The following SLF2 variants were observed in gnomAD, a reference collection of about 807,000 sequenced individuals.
SLF2 encodes SMC5/6 complex localization factor 2.
Under a neutral mutation model 124.3 loss-of-function variants are expected in SLF2, and 68 were observed. That is an observed-to-expected ratio of 0.55 (90% CI 0.45 to 0.67). SLF2 has a LOEUF of 0.67. Ranked by LOEUF, SLF2 falls within the 30% of genes least tolerant of loss-of-function variation. The probability of loss-of-function intolerance (pLI) is 0.00; values close to 1 mark genes in which losing one functional copy is unlikely to be tolerated. For missense variants in SLF2, 1,246 were observed against 1,373.7 expected, an observed-to-expected ratio of 0.91 and a Z score of 1.47; for synonymous variants, 480 against 478.8, an observed-to-expected ratio of 1.00 and a Z score of -0.03.
rs1285628171 is a variant in SLF2 at position 100,956,338 on chromosome 10, T to C, written c.3331-113T>C. On this transcript the variant is annotated intron_variant, in intron 17 of 19. Coordinates refer to ENST00000238961, the MANE Select transcript of SLF2 (RefSeq NM_018121.4). The stretch of plus-strand genomic sequence containing the variant: ...ACGTTGAATAGTTAATATCAGTCAT[T>C]GCTAACAGGAATAATAGATTTTTAA... The C allele has an allele frequency of 2.3e-5, 17 of 745,774 alleles. No individual in the cohort carries two copies. In the East Asian group the frequency reaches 4.3e-4, roughly 19 times the overall value. 46.2% of individuals were successfully genotyped at this position (745,774 alleles called of 1,614,324 possible). A position where few individuals can be genotyped will look rare whatever the true frequency, so the allele number is the denominator to read the frequency against.
chr10:100,946,099 T>C (rs980361708), intron 13 of SLF2, among the ~76,000 whole-genome samples: 1 of 152,208 alleles, frequency 6.6e-6, no homozygotes, highest in African/African-American at 2.4e-5. Flanking sequence ...TTAAAAATTA[T>C]ATTTTTCAGT....
Position 100,931,018 on chromosome 10 carries a change from C to G in SLF2, c.2376C>G (p.Phe792Leu). Reference protein sequence around the residue: ...TDQIFLTTQGFLTSAYHYVQC... With the variant: ...TDQIFLTTQGLLTSAYHYVQC... ...AGATTTTTTTGACAACACAAGGTTTCCTTACGTCTGCTTATCACTATGTCC... is the reference window on the plus strand; with the variant it reads ...AGATTTTTTTGACAACACAAGGTTTGCTTACGTCTGCTTATCACTATGTCC... The change falls in exon 9 of 20, where the codon TTC (phenylalanine) becomes TTG (leucine). Residue 792 changes from phenylalanine (F) to leucine (L), a missense_variant. Coordinates refer to ENST00000238961, the MANE Select transcript of SLF2 (RefSeq NM_018121.4). 6.2e-7 allele frequency: 1 copy of G among 1,614,040 alleles called. No homozygotes were observed. The highest frequency in any genetic ancestry group is 8.5e-7 in the Non-Finnish European group (1 of 1,179,992).
At chr10:100,960,648 CTT>C (rs1459022021) in intron 19 of SLF2, among the ~76,000 whole-genome samples, 1 of 151,846 alleles carries the variant, frequency 6.6e-6, no homozygotes, top group Non-Finnish European at 1.5e-5. Context: ...AGTTATTTGT[CTT>C]TTTATTATTG....
intron 12 of SLF2, 34 bp from the exon 13 acceptor site, chr10:100,945,296 A>G (rs1465849430): frequency 2.7e-6 from 4 of 1,492,050 alleles, no homozygotes; most frequent in South Asian, 1.4e-5. Context: ...TATACCTCCT[A>G]AAATATTTTT....
At chr10:100,944,519 C>G (rs1002141055) in intron 12 of SLF2, among the ~76,000 whole-genome samples, 1 of 146,200 alleles carries the variant, frequency 6.8e-6, no homozygotes, top group Non-Finnish European at 1.5e-5. Context: ...AAAAAACTCT[C>G]TAGTTTCTTA....
At chr10:100,926,173 G>T (rs752246118) in intron 6 of SLF2, 154 bp downstream of exon 6, 34 of 1,552,614 alleles carry the variant, frequency 2.2e-5, no homozygotes, top group Non-Finnish European at 3.0e-5. Context: ...TTGGCCGGAC[G>T]CAGTGGCTCA....
chr10:100,948,976 A>G (rs1850160172), intron 15 of SLF2, among the ~76,000 whole-genome samples: 1 of 152,256 alleles, frequency 6.6e-6, no homozygotes. Flanking sequence ...GATCCTAGGA[A>G]TTAAAACAAA....
chr10:100,925,646 C>T (rs1564772962), intron 5 of SLF2, among the ~76,000 whole-genome samples: 1 of 152,118 alleles, frequency 6.6e-6, no homozygotes, highest in Non-Finnish European at 1.5e-5. Context: ...TTTGATTCTA[C>T]TAAAATAGAA....
chr10:100,937,913 A>G (rs1015487463), intron 10 of SLF2, among the ~76,000 whole-genome samples: 7 of 152,164 alleles, frequency 4.6e-5, no homozygotes, highest in African/African-American at 1.7e-4. Flanking sequence ...CCCGACCTCA[A>G]AAGTCTTTAA....
rs1849352097 is a variant in SLF2 at position 100,913,232 on chromosome 10, C to G, written c.122C>G (p.Thr41Arg). The G allele has an allele frequency of 1.2e-6, 2 of 1,609,450 alleles. No homozygotes were observed. The highest frequency in any genetic ancestry group is 1.3e-5 in the African/African-American group (1 of 74,778). Residue 41 changes from threonine to arginine, a missense_variant, in exon 1 of 20, where the codon ACA becomes AGA. Transcript: ENST00000238961. The stretch of plus-strand genomic sequence containing the variant: ...GCCCATGCTGCAGCGGGAAAGAGAA[C>G]AGAGAGTCCTGGGGACAGGTACCGT... ...STAHAAAGKR[T>R]ESPGDRKQSI...
intron 12 of SLF2, among the ~76,000 whole-genome samples, chr10:100,944,332 A>G (rs1231652099): frequency 6.6e-6 from 1 of 151,670 alleles, no homozygotes; most frequent in Non-Finnish European, 1.5e-5. Flanking sequence ...CGTCTCTACT[A>G]AAAATACAAA....
intron 9 of SLF2, among the ~76,000 whole-genome samples, chr10:100,935,481 A>G (rs924993830): frequency 6.6e-6 from 1 of 152,004 alleles, no homozygotes; most frequent in South Asian, 2.1e-4. Context: ...TGGGTGGATC[A>G]CTTCAGGCCA....
chr10:100,950,338 C>A, intron 16 of SLF2, 131 bp downstream of exon 16: 2 of 1,042,340 alleles, frequency 1.9e-6, no homozygotes, highest in Non-Finnish European at 2.7e-6. Flanking sequence ...AATTTTAAAG[C>A]GAATAATATT....
intron 3 of SLF2, among the ~76,000 whole-genome samples, chr10:100,917,793 C>T (rs1849446401): frequency 6.6e-6 from 1 of 151,996 alleles, no homozygotes; most frequent in African/African-American, 2.4e-5. Context: ...CCCAGGCTGG[C>T]CTTGAACCCC....
In SLF2 at chr10:100,929,937, C is replaced by T. The variant is rs545043713; in HGVS notation, c.2273C>T (p.Thr758Ile). 2 of 1,584,468 alleles carry T rather than the reference C, an allele frequency of 1.3e-6. No homozygotes were observed. The highest frequency in any genetic ancestry group is 2.3e-5 in the East Asian group (1 of 44,058). Residue 758 changes from threonine (T) to isoleucine (I), a missense_variant, in exon 8 of 20, where the codon ACC (threonine) becomes ATC (isoleucine). Thr to Ile is a moderately conservative substitution (Grantham distance 89, BLOSUM62 -1). This residue lies in a region of SLF2 where 535 missense variants were observed against 632.8 expected (regional missense o/e 0.85). Coordinates refer to ENST00000238961, the MANE Select transcript of SLF2 (RefSeq NM_018121.4). The stretch of plus-strand genomic sequence containing the variant: ...TCTGGAAAAATTTTCAATCAGTATA[C>T]CTTGGATTTAAGAGACTCTGGTTTT... ...LNSGKIFNQY[T>I]LDLRDSGFIG...
At chr10:100,939,036 CAA>C (rs760145448) in intron 11 of SLF2, among the ~76,000 whole-genome samples, 10 of 151,872 alleles carry the variant, frequency 6.6e-5, no homozygotes, top group South Asian at 2.1e-4. Context: ...AGAAAAAAAA[CAA>C]GAGATACAAA....
In SLF2 at chr10:100,917,106, G is replaced by C; in HGVS notation, c.721G>C (p.Ala241Pro). 6.2e-7 allele frequency: 1 copy of C among 1,614,184 alleles called. No individual in the cohort carries two copies. Among genetic ancestry groups the C allele is most frequent in the Non-Finnish European group, 8.5e-7 (1 of 1,180,034 alleles). Residue 241 changes from alanine (A) to proline (P), a missense_variant, in exon 3 of 20, where the codon GCT (alanine) becomes CCT (proline). By Grantham distance (27) the Ala-to-Pro change is conservative. Coordinates refer to ENST00000238961, the MANE Select transcript of SLF2 (RefSeq NM_018121.4). ...GGGAGCTAAATTCCAGTTGTCACTA[G>C]CTTCTTACTGCAGAGAACGAGAACT... ...PLGAKFQLSL[A>P]SYCRERELKR...
At chr10:100,925,921 A>C in intron 5 of SLF2, 28 bp from the exon 6 acceptor site, 1 of 1,548,152 alleles carries the variant, frequency 6.5e-7, no homozygotes, top group Admixed American at 2.0e-5. Flanking sequence ...GACATGTGGT[A>C]AAGTATTTCT....
Position 100,924,119 on chromosome 10 carries a change from A to G in SLF2, c.1118A>G (p.Lys373Arg). 6.2e-7 allele frequency: 1 copy of G among 1,613,136 alleles called. No individual in the cohort carries two copies. Among genetic ancestry groups the G allele is most frequent in the Non-Finnish European group, 8.5e-7 (1 of 1,179,780 alleles). Residue 373 changes from lysine (K) to arginine (R), a missense_variant, in exon 5 of 20, where the codon AAA becomes AGA. This residue lies in a region of SLF2 where 698 missense variants were observed against 708.9 expected (regional missense o/e 0.98). Coordinates refer to ENST00000238961, the MANE Select transcript of SLF2 (RefSeq NM_018121.4). The part of the protein sequence containing the change: ...KRPDGPHQKE[K>R]FIKHIALKTP... ...CCTGATGGACCACATCAGAAAGAAA[A>G]ATTTATAAAACATATTGCACTGAAG... is the stretch of plus-strand genomic sequence containing the variant.
Sources: allele counts gnomAD v4.1 joint callset (sites outside exome capture counted in the v4.1 genomes callset), GRCh38; gene constraint gnomAD v4.1.1; regional missense constraint gnomAD v4.1.1; transcripts MANE v1.5; gene names NCBI Gene and HGNC (gene_info 2026-07-23, HGNC 2026-07-21).